The following ELAPOR2 variants were observed in gnomAD, a reference collection of about 807,000 sequenced individuals.
The protein encoded by ELAPOR2 is endosome/lysosome-associated apoptosis and autophagy regulator family member 2.
A neutral mutation model predicts 120.7 loss-of-function variants in ELAPOR2; 89 were observed. The observed-to-expected ratio is 0.74, with a 90% CI of 0.62 to 0.88. The LOEUF is 0.88. Ranked by LOEUF, ELAPOR2 falls within the 40% of genes least tolerant of loss-of-function variation. The probability of loss-of-function intolerance (pLI) is 0.00; values close to 1 mark genes in which losing one functional copy is unlikely to be tolerated. For missense variants in ELAPOR2, 1,134 were observed against 1,251.6 expected, an observed-to-expected ratio of 0.91 and a Z score of 1.42; for synonymous variants, 444 against 444.9, an observed-to-expected ratio of 1.00 and a Z score of 0.03.
intron 1 of ELAPOR2, among the ~76,000 whole-genome samples, chr7:86,999,003 T>C (rs1275465123): frequency 6.6e-6 from 1 of 152,174 alleles, no homozygotes; most frequent in South Asian, 2.1e-4. Context: ...TTTCTTAAAC[T>C]TATTTATATA....
rs866807024 is a variant in ELAPOR2 at position 86,877,772 on chromosome 7, T to C, written c.*2699A>G. On this transcript the variant is annotated 3_prime_UTR_variant, in exon 22 of 22. Transcript: ENST00000450689. ...TTCCACATAATCAATTTAAACAACC[T>C]TTTTTCTTTGGGAAGAAAATAAGGA... is the stretch of plus-strand genomic sequence containing the variant. The C allele has an allele frequency of 1.3e-5, 2 of 152,220 alleles. No individual in the cohort carries two copies. The highest frequency in any genetic ancestry group is 3.4e-3 in the Middle Eastern group (1 of 294). The allele number at this position is 152,220 out of a possible 1,614,324, so 9.4% of individuals were successfully genotyped here.
intron 8 of ELAPOR2, among the ~76,000 whole-genome samples, chr7:86,929,929 T>C (rs964531091): frequency 1.3e-5 from 2 of 151,914 alleles, no homozygotes; most frequent in African/African-American, 4.8e-5. Flanking sequence ...TTTACCATGA[T>C]TATAAGTTTC....
At chr7:87,021,408 T>C (rs976780190) in intron 1 of ELAPOR2, among the ~76,000 whole-genome samples, 12 of 152,082 alleles carry the variant, frequency 7.9e-5, no homozygotes, top group African/African-American at 2.7e-4. Context: ...ATATTGTAAA[T>C]CTCTTCCATG....
At chr7:87,001,389 A>C (rs1352602569) in intron 1 of ELAPOR2, among the ~76,000 whole-genome samples, 4 of 152,156 alleles carry the variant, frequency 2.6e-5, no homozygotes. Context: ...AAATGTCTAA[A>C]CGTGCAAGCT....
intron 1 of ELAPOR2, among the ~76,000 whole-genome samples, chr7:87,019,621 AG>A (rs1286734268): frequency 2.6e-5 from 4 of 152,218 alleles, no homozygotes; most frequent in African/African-American, 9.6e-5. Context: ...TTTTTGTTAA[AG>A]TAACAGTGAT....
At chr7:86,966,640 C>T (rs1010976657) in intron 1 of ELAPOR2, among the ~76,000 whole-genome samples, 3 of 152,196 alleles carry the variant, frequency 2.0e-5, no homozygotes, top group Admixed American at 6.5e-5. Context: ...AATCTGTATT[C>T]GTTTCCCATA....
chr7:86,930,388 C>T (rs1790275184), intron 8 of ELAPOR2, among the ~76,000 whole-genome samples: 1 of 151,940 alleles, frequency 6.6e-6, no homozygotes, highest in African/African-American at 2.4e-5. Flanking sequence ...GAAACATAAG[C>T]TCTAAGTACA....
Position 87,059,384 on chromosome 7 carries a change from C to A in ELAPOR2, c.130G>T (p.Ala44Ser). 4.8e-6 allele frequency: 6 copies of A among 1,244,976 alleles called. No individual in the cohort carries two copies. Among genetic ancestry groups the A allele is most frequent in the Non-Finnish European group, 6.1e-6 (6 of 988,176 alleles). 77.1% of individuals were successfully genotyped at this position (1,244,976 alleles called of 1,614,324 possible). The change falls in exon 1 of 22, where the codon GCG becomes TCG. Residue 44 changes from alanine to serine, a missense_variant. By Grantham distance (99) the Ala-to-Ser change is moderately conservative (BLOSUM62 1). This residue lies in a region of ELAPOR2 where 280 missense variants were observed against 331.5 expected (regional missense o/e 0.84). Coordinates refer to ENST00000450689, the MANE Select transcript of ELAPOR2 (RefSeq NM_001142749.3). ...GAGGGCAGGTCCCCAGCCCAGGCCG[C>A]CTGGCAGCCGGCGAGCGCCCAGCAG... is the stretch of plus-strand genomic sequence containing the variant. The part of the protein sequence containing the change: ...ICCWALAGCQ[A>S]AWAGDLPSSS...
intron 1 of ELAPOR2, chr7:86,965,925 C>T (rs996203985): frequency 8.1e-6 from 8 of 985,054 alleles, no homozygotes; most frequent in Non-Finnish European, 8.4e-6. Context: ...CATCACCATG[C>T]GGACATCAGG....
chr7:86,941,431 G>A (rs746533079), intron 5 of ELAPOR2: 4 of 513,296 alleles, frequency 7.8e-6, no homozygotes, highest in Non-Finnish European at 1.6e-5. Context: ...ACCAGAGAAG[G>A]TAGAATTTTA....
At chr7:87,053,618 G>A (rs1305790782) in intron 1 of ELAPOR2, among the ~76,000 whole-genome samples, 1 of 152,156 alleles carries the variant, frequency 6.6e-6, no homozygotes, top group Non-Finnish European at 1.5e-5. Flanking sequence ...TATGGGGTGG[G>A]GGGCTGTGCG....
chr7:87,009,070 AT>A (rs1420983959), intron 1 of ELAPOR2, among the ~76,000 whole-genome samples: 3 of 152,064 alleles, frequency 2.0e-5, no homozygotes, highest in African/African-American at 7.2e-5. Context: ...TAGATCCCTA[AT>A]TTTGTTAAGC....
chr7:86,915,198 C>T (rs1167711445), intron 12 of ELAPOR2, among the ~76,000 whole-genome samples: 2 of 152,070 alleles, frequency 1.3e-5, no homozygotes, highest in East Asian at 1.9e-4. Flanking sequence ...GAAGAGGAAA[C>T]ATAACTCCTC....
At chr7:86,963,271 T>G (rs955060442) in intron 2 of ELAPOR2, among the ~76,000 whole-genome samples, 1 of 152,214 alleles carries the variant, frequency 6.6e-6, no homozygotes, top group African/African-American at 2.4e-5. Context: ...TGGAACCTTA[T>G]AGTATATAAT....
At chr7:86,959,557 C>G (rs1791622885) in intron 2 of ELAPOR2, among the ~76,000 whole-genome samples, 1 of 152,100 alleles carries the variant, frequency 6.6e-6, no homozygotes, top group African/African-American at 2.4e-5. Context: ...GTCAAATGTT[C>G]TTTCTGCATC....
chr7:86,964,952 C>A lies in ELAPOR2; in HGVS notation c.262G>T (p.Ala88Ser). Reference protein sequence around the residue: ...SRWRVAIPNSAVDCSGLPDPV... With the variant: ...SRWRVAIPNSSVDCSGLPDPV... ...TCAGGCAGGCCAGAGCAGTCCACTGCAGAATTTGGAATGGCAACTCTCCAC... is the reference window on the plus strand; with the variant it reads ...TCAGGCAGGCCAGAGCAGTCCACTGAAGAATTTGGAATGGCAACTCTCCAC... The change falls in exon 2 of 22, where the codon GCA becomes TCA. Residue 88 changes from alanine (A) to serine (S), a missense_variant. Around this residue, in one of 3 missense-constraint regions of ELAPOR2, gnomAD observed 280 missense variants for 331.5 expected, o/e 0.84. Coordinates refer to ENST00000450689, the MANE Select transcript of ELAPOR2 (RefSeq NM_001142749.3). 1 of 1,551,540 alleles carries A rather than the reference C, an allele frequency of 6.4e-7. No individual in the cohort carries two copies.
intron 1 of ELAPOR2, among the ~76,000 whole-genome samples, chr7:87,037,661 T>A (rs1283178071): frequency 6.6e-6 from 1 of 152,210 alleles, no homozygotes; most frequent in Non-Finnish European, 1.5e-5. Flanking sequence ...CAGAATAATC[T>A]TTCTAATTTG....
Position 86,877,385 on chromosome 7 carries a change from C to T in ELAPOR2, c.*3086G>A, listed in dbSNP as rs1179431995. The T allele has an allele frequency of 1.3e-5, 2 of 152,048 alleles. No homozygotes were observed. Among genetic ancestry groups the T allele is most frequent in the Admixed American group, 1.3e-4 (2 of 15,238 alleles). 9.4% of individuals were successfully genotyped at this position (152,048 alleles called of 1,614,324 possible). A position where few individuals can be genotyped will look rare whatever the true frequency, so the allele number is the denominator to read the frequency against. On this transcript the variant is annotated 3_prime_UTR_variant, in exon 22 of 22. Transcript: ENST00000450689. The stretch of plus-strand genomic sequence containing the variant: ...GGGCAAACTCAGTTTAGGAGTTGGG[C>T]CTGTCAACTGCAATCATATTCATGA...
At chr7:86,968,019 T>C (rs1334975656) in intron 1 of ELAPOR2, among the ~76,000 whole-genome samples, 1 of 152,042 alleles carries the variant, frequency 6.6e-6, no homozygotes, top group Non-Finnish European at 1.5e-5. Flanking sequence ...TGGTAACAAA[T>C]AATAAAAAAC....
Sources: gnomAD v4.1 joint callset for allele counts (sites outside exome capture counted in the v4.1 genomes callset) on GRCh38, gnomAD v4.1.1 for gene constraint, gnomAD v4.1.1 regional missense constraint, MANE v1.5 for transcripts, NCBI Gene and HGNC (gene_info 2026-07-23, HGNC 2026-07-21) for gene names.